The following NRIP2 variants were observed in gnomAD, a reference collection of about 807,000 sequenced individuals.
NRIP2 encodes nuclear receptor interacting protein 2, also known as nuclear receptor-interacting protein 2.
NRIP2 carries 27 observed loss-of-function variants against 34.1 expected under a neutral mutation model. That is an observed-to-expected ratio of 0.79 (90% confidence interval 0.58 to 1.09). The LOEUF (loss-of-function observed/expected upper bound fraction) is 1.09. Among genes scored for constraint, NRIP2 ranks in the 50% least tolerant of loss-of-function variants. The pLI is 0.00. For missense variants in NRIP2, 385 were observed against 352.6 expected (o/e 1.09, Z -0.74); for synonymous variants, 145 against 146.9 (o/e 0.99, Z 0.09).
At position 2,827,602 on chromosome 12, in the gene NRIP2, C is replaced by A; in HGVS notation, c.753+23G>T. ...ACTACTTTTTCCCAGTGCTTTGGGT[C>A]AGGCCCTGAGTGGGTGCCTTACCTT... On this transcript the variant is annotated intron_variant, in intron 5 of 5. Coordinates refer to ENST00000337508, the MANE Select transcript of NRIP2 (RefSeq NM_031474.3). This position sits in a 1 kb window ranked among gnomAD's most constrained non-coding sequence, Gnocchi z 4.0. The A allele has an allele frequency of 6.2e-7, 1 of 1,614,146 alleles. No homozygotes were observed. Among genetic ancestry groups the A allele is most frequent in the South Asian group, 1.1e-5 (1 of 91,070 alleles).
intron 1 of NRIP2, 37 bp from the exon 2 acceptor site, chr12:2,830,897 T>C (rs1485437895): frequency 1.4e-5 from 22 of 1,599,750 alleles, no homozygotes; most frequent in Non-Finnish European, 1.8e-5. Flanking sequence ...TAGGCAGTTC[T>C]AAACCCAGGC....
intron 2 of NRIP2, among the ~76,000 whole-genome samples, chr12:2,829,193 A>T (rs1373745743): frequency 6.6e-6 from 1 of 152,208 alleles, no homozygotes; most frequent in African/African-American, 2.4e-5. Flanking sequence ...TTAGGAATAG[A>T]GGAAGGATGA....
rs1439832759 is a variant in NRIP2, at chr12:2,827,241, G to A, written c.812C>T (p.Pro271Leu). The stretch of plus-strand genomic sequence containing the variant: ...AGGCTCTTGGTACAAAGGCAGGAAG[G>A]GTAGCTCTGAGAACGGGGCTTTCAG... Reference protein sequence around the residue: ...LRLKAPFSELPFLPLYQEPGQ With the variant: ...LRLKAPFSELLFLPLYQEPGQ Residue 271 changes from proline to leucine, a missense_variant, in exon 6 of 6, where the codon CCC becomes CTC. By Grantham distance (98) the Pro-to-Leu change is moderately conservative. Coordinates refer to ENST00000337508, the MANE Select transcript of NRIP2 (RefSeq NM_031474.3). The surrounding 1 kb of genome is among the most constrained non-coding windows in gnomAD (Gnocchi z 4.0). The A allele has an allele frequency of 6.2e-7, 1 of 1,614,130 alleles. No homozygotes were observed. The highest frequency in any genetic ancestry group is 8.5e-7 in the Non-Finnish European group (1 of 1,180,022).
In NRIP2 at chr12:2,830,734, T is replaced by A. The variant is rs1330921639; in HGVS notation, c.469A>T (p.Ile157Phe). 1 of 1,613,182 alleles carries A rather than the reference T, an allele frequency of 6.2e-7. No homozygotes were observed. Among genetic ancestry groups the A allele is most frequent in the East Asian group, 2.2e-5 (1 of 44,802 alleles). ...ESRRKTSRTEIPALLVNCKCQ... is the reference protein window; with the variant it reads ...ESRRKTSRTEFPALLVNCKCQ... Reference sequence around the variant, plus strand: ...TTGCAGTTGACCAGAAGAGCTGGAATCTCTGTCCTGCTGGTCTTCCTCCTG... The same window carrying A: ...TTGCAGTTGACCAGAAGAGCTGGAAACTCTGTCCTGCTGGTCTTCCTCCTG... The change falls in exon 2 of 6, where the codon ATT (isoleucine) becomes TTT (phenylalanine). Residue 157 changes from isoleucine (I) to phenylalanine (F), a missense_variant. Transcript: ENST00000337508.
chr12:2,827,089 G>T lies in NRIP2; in HGVS notation c.*118C>A, dbSNP rs1458065387. ...AAATGGGACAGCAGGGGTCAGGGAGGTGATTGGAAGGGCAGACACCATAGT... is the reference window on the plus strand; with the variant it reads ...AAATGGGACAGCAGGGGTCAGGGAGTTGATTGGAAGGGCAGACACCATAGT... On this transcript the variant is annotated 3_prime_UTR_variant, in exon 6 of 6. Transcript: ENST00000337508. This position sits in a 1 kb window ranked among gnomAD's most constrained non-coding sequence, Gnocchi z 4.0. 2 of 1,535,330 alleles carry T rather than the reference G, an allele frequency of 1.3e-6. No homozygotes were observed. The highest frequency in any genetic ancestry group is 1.7e-6 in the Non-Finnish European group (2 of 1,148,712).
chr12:2,834,784 C>T lies in NRIP2; in HGVS notation c.200G>A (p.Arg67Lys). The change falls in exon 1 of 6, where the codon AGG becomes AAG. Residue 67 changes from arginine (R) to lysine (K), a missense_variant. Physicochemically the swap from Arg to Lys is conservative, Grantham distance 26. Coordinates refer to ENST00000337508, the MANE Select transcript of NRIP2 (RefSeq NM_031474.3). ...ARRDEGEARTRGQEAQLRDRA... is the reference protein window; with the variant it reads ...ARRDEGEARTKGQEAQLRDRA... ...GTCTCGAAGCTGTGCCTCCTGCCCC[C>T]TCGTCCTGGCTTCTCCCTCATCTCT... 6.2e-7 allele frequency: 1 copy of T among 1,613,836 alleles called. No homozygotes were observed. Among genetic ancestry groups the T allele is most frequent in the Non-Finnish European group, 8.5e-7 (1 of 1,179,978 alleles).
In NRIP2 at chr12:2,830,856, G is replaced by A. The variant is rs1024353851; in HGVS notation, c.347C>T (p.Pro116Leu). ...KRLGTSKDLQ[P>L]RSVIQRRLVE... ...CAGGCGTCTTTGGATCACACTGCGC[G>A]GCTGCTGGCTCCATCACAAAACAAT... The change falls in exon 2 of 6, where the codon CCG (proline) becomes CTG (leucine). Residue 116 changes from proline to leucine, a missense_variant. Transcript: ENST00000337508. 7.4e-6 allele frequency: 12 copies of A among 1,611,984 alleles called. No individual in the cohort carries two copies. Among genetic ancestry groups the A allele is most frequent in the South Asian group, 3.3e-5 (3 of 90,792 alleles).
At chr12:2,832,178 T>C (rs2098006571) in intron 1 of NRIP2, among the ~76,000 whole-genome samples, 1 of 152,100 alleles carries the variant, frequency 6.6e-6, no homozygotes, top group East Asian at 1.9e-4. Flanking sequence ...CATGTGCAGG[T>C]TAAAGTTTGA....
At chr12:2,830,334 G>C (rs1027353377) in intron 2 of NRIP2, 14 of 166,926 alleles carry the variant, frequency 8.4e-5, no homozygotes, top group African/African-American at 3.3e-4. Context: ...TAGTGACTGA[G>C]TGGTTAAGTG....
Position 2,827,803 on chromosome 12 carries a change from G to C in NRIP2, c.700+123C>G. The C allele has an allele frequency of 6.2e-7, 1 of 1,603,278 alleles. No homozygotes were observed. Among genetic ancestry groups the C allele is most frequent in the South Asian group, 1.1e-5 (1 of 89,508 alleles). On this transcript the variant is annotated intron_variant, in intron 4 of 5. Transcript: ENST00000337508. The surrounding 1 kb of genome is among the most constrained non-coding windows in gnomAD (Gnocchi z 4.0). ...ATCCGAGGACACTGGCACAGAGATG[G>C]GGGATAGTCAGAACATCTCTGGGAA...
At position 2,828,215 on chromosome 12, in the gene NRIP2, A is replaced by G. The variant is rs533795157; in HGVS notation, c.578+117T>C. On this transcript the variant is annotated intron_variant, in intron 3 of 5. Coordinates refer to ENST00000337508, the MANE Select transcript of NRIP2 (RefSeq NM_031474.3). ...AGTCTTCTAGCCACTCTTTTGTTAA[A>G]TAACAGCTTTATTGAGATAAAATAT... is the stretch of plus-strand genomic sequence containing the variant. 4 of 1,175,428 alleles carry G rather than the reference A, an allele frequency of 3.4e-6. No individual in the cohort carries two copies. The East Asian group carries it at 9.3e-5, about 27-fold the overall frequency. The allele number at this position is 1,175,428 out of a possible 1,614,324, so 72.8% of individuals were successfully genotyped here. A position where few individuals can be genotyped will look rare whatever the true frequency, so the allele number is the denominator to read the frequency against.
Position 2,826,937 on chromosome 12 carries a change from A to G in NRIP2, c.*270T>C. The G allele has an allele frequency of 7.9e-7, 1 of 1,271,714 alleles. No individual in the cohort carries two copies. The highest frequency in any genetic ancestry group is 1.0e-6 in the Non-Finnish European group (1 of 1,000,984). 78.8% of individuals were successfully genotyped at this position (1,271,714 alleles called of 1,614,324 possible). On this transcript the variant is annotated 3_prime_UTR_variant, in exon 6 of 6. Transcript: ENST00000337508. ...GCTTAGGTTCCTATCTGTGGTCTTG[A>G]TTTGGCTTTGCTTTTCTTGGGAGGA...
At chr12:2,828,750 G>A (rs941468503) in intron 2 of NRIP2, among the ~76,000 whole-genome samples, 1 of 152,182 alleles carries the variant, frequency 6.6e-6, no homozygotes, top group Non-Finnish European at 1.5e-5. Flanking sequence ...GCTGAGGCAG[G>A]AGAATCGCTT....
At position 2,827,101 on chromosome 12, in the gene NRIP2, G is replaced by T. The variant is rs748910612; in HGVS notation, c.*106C>A. The T allele has an allele frequency of 9.8e-5, 152 of 1,558,300 alleles. No homozygotes were observed. Among genetic ancestry groups the T allele is most frequent in the Non-Finnish European group, 1.3e-4 (149 of 1,158,406 alleles). The stretch of plus-strand genomic sequence containing the variant: ...AGGGGTCAGGGAGGTGATTGGAAGG[G>T]CAGACACCATAGTCCCCAGCTACCT... On this transcript the variant is annotated 3_prime_UTR_variant, in exon 6 of 6. Coordinates refer to ENST00000337508, the MANE Select transcript of NRIP2 (RefSeq NM_031474.3). The surrounding 1 kb of genome is among the most constrained non-coding windows in gnomAD (Gnocchi z 4.0).
intron 1 of NRIP2, among the ~76,000 whole-genome samples, chr12:2,833,395 T>A (rs1351301983): frequency 6.6e-6 from 1 of 151,834 alleles, no homozygotes; most frequent in Non-Finnish European, 1.5e-5. Context: ...GTGCAATCCC[T>A]TTTCTCGTTG....
At chr12:2,832,558 C>T (rs1291276759) in intron 1 of NRIP2, among the ~76,000 whole-genome samples, 1 of 151,692 alleles carries the variant, frequency 6.6e-6, no homozygotes, top group South Asian at 2.1e-4. Flanking sequence ...CAGGATGTAC[C>T]CTCTCCAGGA....
At chr12:2,830,964 C>T (rs1437725359) in intron 1 of NRIP2, 104 bp from the exon 2 acceptor site, 5 of 1,245,392 alleles carry the variant, frequency 4.0e-6, no homozygotes, top group African/African-American at 3.1e-5. Flanking sequence ...CCCACCCCCC[C>T]AGCCCTGAGC....
Position 2,827,201 on chromosome 12 carries a change from C to T in NRIP2, c.*6G>A. ...CTTTCCCTCTGGGGACTGACTGAGA[C>T]AGCAGTCACTGGCCAGGCTCTTGGT... On this transcript the variant is annotated 3_prime_UTR_variant, in exon 6 of 6. Coordinates refer to ENST00000337508, the MANE Select transcript of NRIP2 (RefSeq NM_031474.3). The surrounding 1 kb of genome is among the most constrained non-coding windows in gnomAD (Gnocchi z 4.0). The T allele has an allele frequency of 6.2e-7, 1 of 1,614,068 alleles. No homozygotes were observed. The highest frequency in any genetic ancestry group is 8.5e-7 in the Non-Finnish European group (1 of 1,179,982).
At chr12:2,831,230 C>T (rs1271151774) in intron 1 of NRIP2, among the ~76,000 whole-genome samples, 1 of 151,206 alleles carries the variant, frequency 6.6e-6, no homozygotes, top group African/African-American at 2.4e-5. Context: ...TCCCCTCTGA[C>T]CTCATCCTTC....
Sources: gnomAD v4.1 joint callset for allele counts (sites outside exome capture counted in the v4.1 genomes callset) on GRCh38, gnomAD v4.1.1 for gene constraint, Gnocchi (gnomAD v3.1) non-coding constraint, MANE v1.5 for transcripts, NCBI Gene and HGNC (gene_info 2026-07-23, HGNC 2026-07-21) for gene names.